Variants in NEK4 observed in about 807,000 individuals in gnomAD.
NEK4 encodes serine/threonine-protein kinase Nek4.
In NEK4, 86 loss-of-function variants were observed where a neutral mutation model predicts 98.4. The observed-to-expected ratio is 0.87, with a 90% confidence interval of 0.73 to 1.05. The LOEUF is 1.05. Ranked by LOEUF, NEK4 falls within the 50% of genes least tolerant of loss-of-function variation. The pLI, the probability that NEK4 is intolerant of heterozygous loss-of-function variation, is 0.00. For missense variants in NEK4, 898 were observed against 950.3 expected (o/e 0.94, Z 0.72); for synonymous variants, 328 against 342.2 (o/e 0.96, Z 0.46).
Position 52,752,387 on chromosome 3 carries a change from C to T in NEK4, c.964-51G>A, listed in dbSNP as rs149083686. 1.9e-4 allele frequency: 288 copies of T among 1,524,390 alleles called. No homozygotes were observed. The African/African-American group carries it at 3.7e-3, about 20-fold the overall frequency. 94.4% of individuals were successfully genotyped at this position (1,524,390 alleles called of 1,614,324 possible). On this transcript the variant is annotated intron_variant, in intron 6 of 15. Coordinates refer to ENST00000233027, the MANE Select transcript of NEK4 (RefSeq NM_003157.6). ...ATTATAGCACTCCTCATATCTTATACAAAATCAACTCAAAATGCAACAAGA... is the reference window on the plus strand; with the variant it reads ...ATTATAGCACTCCTCATATCTTATATAAAATCAACTCAAAATGCAACAAGA...
At chr3:52,740,978 T>C (rs2154103788) in intron 13 of NEK4, among the ~76,000 whole-genome samples, 1 of 151,318 alleles carries the variant, frequency 6.6e-6, no homozygotes, top group South Asian at 2.1e-4. Context: ...CTCACGCCTG[T>C]AATCCCAGCA....
chr3:52,726,868 C>G (rs1428979983), intron 15 of NEK4, among the ~76,000 whole-genome samples: 1 of 152,042 alleles, frequency 6.6e-6, no homozygotes, highest in Admixed American at 6.6e-5. Flanking sequence ...GGCGCCATTG[C>G]ACTCCAGCCT....
At chr3:52,737,037 A>G (rs1286209219) in intron 15 of NEK4, among the ~76,000 whole-genome samples, 3 of 152,126 alleles carry the variant, frequency 2.0e-5, no homozygotes, top group Non-Finnish European at 4.4e-5. Flanking sequence ...CCTAGGTTCA[A>G]ACAATTCTCC....
rs748461600 is a variant in NEK4 at position 52,760,876 on chromosome 3, C to T, written c.882G>A (p.Val294=). 1 of 1,608,810 alleles carries T rather than the reference C, an allele frequency of 6.2e-7. No individual in the cohort carries two copies. Among genetic ancestry groups the T allele is most frequent in the Admixed American group, 1.7e-5 (1 of 59,736 alleles). ...GDSQSKPFAT[V]VSGEAESNHE... is the part of the protein sequence containing the mutation. The stretch of plus-strand genomic sequence containing the variant: ...GATTTGATTCTGCCTCTCCAGAAAC[C>T]ACTGTAGCAAAAGGCTTGGATTGAG... The change falls in exon 6 of 16, where the codon GTG becomes GTA. Residue 294 remains valine, a synonymous_variant. Transcript: ENST00000233027.
At chr3:52,744,656 C>G (rs954745167) in intron 10 of NEK4, among the ~76,000 whole-genome samples, 2 of 145,392 alleles carry the variant, frequency 1.4e-5, no homozygotes, top group Non-Finnish European at 3.0e-5. Context: ...TGCACTCCAG[C>G]CTGGGTGACA....
chr3:52,752,954 A>ACACACACACACACACACACACAC (rs1315107149), intron 6 of NEK4, among the ~76,000 whole-genome samples: 8 of 137,356 alleles, frequency 5.8e-5, no homozygotes, highest in African/African-American at 1.4e-4. Flanking sequence ...ACACACACAC[A>ACACACACACACACACACACACAC]ATGGAATATT....
chr3:52,741,347 GCA>G, intron 13 of NEK4, 62 bp downstream of exon 13: 1 of 942,606 alleles, frequency 1.1e-6, no homozygotes, highest in South Asian at 1.4e-5. Context: ...TACTGAAAAT[GCA>G]CATTTAATAT....
rs1050678491 is a variant in NEK4, at chr3:52,746,328, G to C, written c.1678-118C>G. On this transcript the variant is annotated intron_variant, in intron 9 of 15. Coordinates refer to ENST00000233027, the MANE Select transcript of NEK4 (RefSeq NM_003157.6). ...TTGCTCTTAAAACCTTCAAAACATT[G>C]CATTTTTTTGGAAAGACTCTGCCAA... 4.1e-5 allele frequency: 39 copies of C among 949,956 alleles called. No individual in the cohort carries two copies. In the African/African-American group the frequency reaches 5.8e-4, roughly 14 times the overall value. The allele number at this position is 949,956 out of a possible 1,614,324, so 58.8% of individuals were successfully genotyped here. A position where few individuals can be genotyped will look rare whatever the true frequency, so the allele number is the denominator to read the frequency against.
At chr3:52,763,660 G>T in intron 4 of NEK4, 36 bp from the exon 5 acceptor site, 1 of 1,484,142 alleles carries the variant, frequency 6.7e-7, no homozygotes, top group Non-Finnish European at 9.2e-7. Flanking sequence ...TATGACTAAT[G>T]GTCTTGTGAA....
intron 6 of NEK4, among the ~76,000 whole-genome samples, chr3:52,758,789 A>G (rs1204264361): frequency 1.3e-5 from 2 of 152,128 alleles, no homozygotes; most frequent in Non-Finnish European, 2.9e-5. Context: ...CAACAACAAA[A>G]AGACAAAAAC....
chr3:52,753,558 T>C (rs1447371651), intron 6 of NEK4: 12 of 537,602 alleles, frequency 2.2e-5, no homozygotes, highest in Non-Finnish European at 3.4e-5. Context: ...CTACAAGCTC[T>C]ACATGGAAAC....
intron 15 of NEK4, chr3:52,733,502 G>A (rs2097371939): frequency 4.4e-6 from 2 of 454,398 alleles, no homozygotes; most frequent in Non-Finnish European, 8.6e-6. Flanking sequence ...ACTCAACAGA[G>A]AAGTCATACT....
In NEK4 at chr3:52,741,309, T is replaced by C. The variant is rs1226593438; in HGVS notation, c.2093+102A>G. ...ATGCCACAAACCATTTATAATTTTA[T>C]CAGTGGGAATACTAGAGATCTAAAT... On this transcript the variant is annotated intron_variant, in intron 13 of 15. Transcript: ENST00000233027. 1.1e-5 allele frequency: 7 copies of C among 617,290 alleles called. No homozygotes were observed. The African/African-American group carries it at 1.2e-4, about 10-fold the overall frequency. 38.2% of individuals were successfully genotyped at this position (617,290 alleles called of 1,614,324 possible).
At chr3:52,711,981 G>GAA (rs1374144067) in intron 15 of NEK4, 112 bp from the exon 16 acceptor site, 6 of 597,926 alleles carry the variant, frequency 1.0e-5, no homozygotes, top group Non-Finnish European at 1.8e-5. Context: ...AACCATACAG[G>GAA]AAAATACTAA....
intron 15 of NEK4, among the ~76,000 whole-genome samples, chr3:52,726,717 C>A (rs938764062): frequency 1.3e-5 from 2 of 151,668 alleles, no homozygotes; most frequent in African/African-American, 4.8e-5. Context: ...ACCTGCCTGG[C>A]CAAGATGGTG....
chr3:52,764,630 C>CAAAAAAAAAAAAAAAAAAAAA (rs1173451270), intron 4 of NEK4, among the ~76,000 whole-genome samples: 1 of 132,720 alleles, frequency 7.5e-6, no homozygotes, highest in Non-Finnish European at 1.6e-5. Flanking sequence ...GACTCTGTCT[C>CAAAAAAAAAAAAAAAAAAAAA]AAAAAAAAAA....
intron 15 of NEK4, among the ~76,000 whole-genome samples, chr3:52,721,072 G>A (rs1003201696): frequency 3.9e-5 from 6 of 152,258 alleles, no homozygotes; most frequent in Admixed American, 3.3e-4. Context: ...AACATCTGGC[G>A]GAAGTCTTAG....
chr3:52,757,555 CA>C (rs541943769), intron 6 of NEK4, among the ~76,000 whole-genome samples: 4,504 of 72,174 alleles, frequency 0.062, 58 homozygotes, highest in Non-Finnish European at 0.092. Flanking sequence ...GACTCCGTCT[CA>C]AAAAAAAAAA....
rs994374284 is a variant in NEK4 at position 52,718,209 on chromosome 3, G to A, written c.2434-6340C>T. On this transcript the variant is annotated intron_variant, in intron 15 of 15. Transcript: ENST00000233027. Reference sequence around the variant, plus strand: ...TTATAGGCTGGGCATGGTGGCTCATGCCTGTAATCCCAGCACTCTCTGGGA... The same window carrying A: ...TTATAGGCTGGGCATGGTGGCTCATACCTGTAATCCCAGCACTCTCTGGGA... 4.6e-5 allele frequency among the ~76,000 whole-genome samples: 7 copies of A among 152,006 alleles called. No individual in the cohort carries two copies. In the East Asian group the frequency reaches 1.4e-3, roughly 30 times the overall value.
Sources: allele counts gnomAD v4.1 joint callset (sites outside exome capture counted in the v4.1 genomes callset), GRCh38; gene constraint gnomAD v4.1.1; transcripts MANE v1.5; gene names NCBI Gene and HGNC (gene_info 2026-07-23, HGNC 2026-07-21).